The following CADM4 variants were observed in gnomAD, a reference collection of about 807,000 sequenced individuals.
CADM4 encodes the protein cell adhesion molecule 4, also known as TSLC1-like 2.
CADM4 carries 13 observed loss-of-function variants against 43.9 expected under a neutral mutation model. The ratio of observed to expected loss-of-function variants is 0.30; its 90% CI spans 0.19 to 0.47. The LOEUF (loss-of-function observed/expected upper bound fraction) is 0.47. Among genes scored for constraint, CADM4 ranks in the 20% least tolerant of loss-of-function variants. The probability of loss-of-function intolerance (pLI) is 1.00; values close to 1 mark genes in which losing one functional copy is unlikely to be tolerated. For synonymous variants in CADM4, 209 were observed against 220.9 expected (o/e 0.95, Z 0.48); for missense variants, 420 against 527.0 (o/e 0.80, Z 1.99).
At position 43,627,006 on chromosome 19, in the gene CADM4, G is replaced by A. The variant is rs932629960; in HGVS notation, c.365-88C>T. On this transcript the variant is annotated intron_variant, in intron 3 of 8. Coordinates refer to ENST00000222374, the MANE Select transcript of CADM4 (RefSeq NM_145296.2). This position sits in a 1 kb window ranked among gnomAD's most constrained non-coding sequence, Gnocchi z 4.0. ...GAGCTGCCTGTTCCCAGCGACCATA[G>A]GGAACCAGGGTCCCAGGTGGCAGGG... is the stretch of plus-strand genomic sequence containing the variant. The A allele has an allele frequency of 1.3e-6, 2 of 1,485,132 alleles. No individual in the cohort carries two copies. The highest frequency in any genetic ancestry group is 1.8e-6 in the Non-Finnish European group (2 of 1,114,174). 92.0% of individuals were successfully genotyped at this position (1,485,132 alleles called of 1,614,324 possible).
rs1973466226 is a variant in CADM4, at chr19:43,623,204, G to A, written c.*126C>T. 3 of 726,406 alleles carry A rather than the reference G, an allele frequency of 4.1e-6. No homozygotes were observed. Among genetic ancestry groups the A allele is most frequent in the African/African-American group, 1.7e-5 (1 of 57,786 alleles). The allele number at this position is 726,406 out of a possible 1,614,324, so 45.0% of individuals were successfully genotyped here. A position where few individuals can be genotyped will look rare whatever the true frequency, so the allele number is the denominator to read the frequency against. ...CCCCATCCCTGCCCAAGCGTCTGAG[G>A]TGTTAGTGGTGGGGGGAGAAGCCCA... On this transcript the variant is annotated 3_prime_UTR_variant, in exon 9 of 9. Transcript: ENST00000222374. This position sits in a 1 kb window ranked among gnomAD's most constrained non-coding sequence, Gnocchi z 4.4.
rs1434052593 is a variant in CADM4 at position 43,626,113 on chromosome 19, C to T, written c.664+11G>A. On this transcript the variant is annotated intron_variant, in intron 5 of 8. Transcript: ENST00000222374. The surrounding 1 kb of genome is among the most constrained non-coding windows in gnomAD (Gnocchi z 5.9). The stretch of plus-strand genomic sequence containing the variant: ...TGGGATCCCTTGGGTCCTGGCCCGC[C>T]GGTCACTTACACTGCACATCCAGCA... 2.5e-6 allele frequency: 4 copies of T among 1,613,238 alleles called. No individual in the cohort carries two copies. The highest frequency in any genetic ancestry group is 1.3e-5 in the African/African-American group (1 of 74,886).
At chr19:43,638,219 G>A (rs953132678) in intron 1 of CADM4, among the ~76,000 whole-genome samples, 1 of 152,178 alleles carries the variant, frequency 6.6e-6, no homozygotes, top group Non-Finnish European at 1.5e-5. Flanking sequence ...CCCTGGAGTG[G>A]GGAACATGTA....
chr19:43,633,074 A>T (rs1477107051), intron 1 of CADM4, among the ~76,000 whole-genome samples: 4 of 149,850 alleles, frequency 2.7e-5, no homozygotes, highest in Non-Finnish European at 1.5e-5. Context: ...TCTGTCTCAA[A>T]AAAAAAAAAA....
Position 43,626,399 on chromosome 19 carries a change from G to T in CADM4, c.500-111C>A. The T allele has an allele frequency of 7.5e-7, 1 of 1,333,830 alleles. No homozygotes were observed. Among genetic ancestry groups the T allele is most frequent in the Admixed American group, 2.1e-5 (1 of 48,070 alleles). 82.6% of individuals were successfully genotyped at this position (1,333,830 alleles called of 1,614,324 possible). The stretch of plus-strand genomic sequence containing the variant: ...TGCCAAGCTCCACCCCTTACCCACA[G>T]GCCCCGCCTCTTGTCCTCCAAGCTA... On this transcript the variant is annotated intron_variant, in intron 4 of 8. Coordinates refer to ENST00000222374, the MANE Select transcript of CADM4 (RefSeq NM_145296.2). The surrounding 1 kb of genome is among the most constrained non-coding windows in gnomAD (Gnocchi z 5.9).
At position 43,626,073 on chromosome 19, in the gene CADM4, G is replaced by A; in HGVS notation, c.664+51C>T. The A allele has an allele frequency of 1.2e-6, 2 of 1,611,950 alleles. No individual in the cohort carries two copies. The highest frequency in any genetic ancestry group is 1.7e-6 in the Non-Finnish European group (2 of 1,178,658). ...CAGGACAAGGGGGACCCTCGCGGGTGCGGGTGGCTGGCGTTGGGATCCCTT... is the reference window on the plus strand; with the variant it reads ...CAGGACAAGGGGGACCCTCGCGGGTACGGGTGGCTGGCGTTGGGATCCCTT... On this transcript the variant is annotated intron_variant, in intron 5 of 8. Coordinates refer to ENST00000222374, the MANE Select transcript of CADM4 (RefSeq NM_145296.2). The surrounding 1 kb of genome is among the most constrained non-coding windows in gnomAD (Gnocchi z 5.9).
At chr19:43,631,136 T>C (rs1012371902) in intron 1 of CADM4, among the ~76,000 whole-genome samples, 1 of 151,828 alleles carries the variant, frequency 6.6e-6, no homozygotes, top group African/African-American at 2.4e-5. Context: ...AGGTCAGGAG[T>C]TCGAGACCAG....
intron 1 of CADM4, among the ~76,000 whole-genome samples, chr19:43,636,354 C>A (rs564687399): frequency 1.3e-5 from 2 of 152,056 alleles, no homozygotes; most frequent in Non-Finnish European, 2.9e-5. Context: ...ATTCCTGCTC[C>A]GGGAAGGGTG....
In CADM4 at chr19:43,622,429, C is replaced by T. The variant is rs1373077369; in HGVS notation, c.*901G>A. ...TGCCAAACCCCCTCCCCATTCCCCTCCCCACCCCGTACAAAATGTGTGTGT... is the reference window on the plus strand; with the variant it reads ...TGCCAAACCCCCTCCCCATTCCCCTTCCCACCCCGTACAAAATGTGTGTGT... On this transcript the variant is annotated 3_prime_UTR_variant, in exon 9 of 9. Coordinates refer to ENST00000222374, the MANE Select transcript of CADM4 (RefSeq NM_145296.2). 6.6e-6 allele frequency: 1 copy of T among 152,164 alleles called. No homozygotes were observed. The highest frequency in any genetic ancestry group is 2.4e-5 in the African/African-American group (1 of 41,420). The allele number at this position is 152,164 out of a possible 1,614,324, so 9.4% of individuals were successfully genotyped here.
Position 43,639,836 on chromosome 19 carries a change from TGCACCGCCC to T in CADM4, c.-55_-47del, listed in dbSNP as rs1007818404. The T allele has an allele frequency of 7.4e-5, 72 of 974,856 alleles. No homozygotes were observed. In the African/African-American group the frequency reaches 1.2e-3, roughly 16 times the overall value. The allele number at this position is 974,856 out of a possible 1,614,324, so 60.4% of individuals were successfully genotyped here. On this transcript the variant is annotated 5_prime_UTR_variant, in exon 1 of 9. Coordinates refer to ENST00000222374, the MANE Select transcript of CADM4 (RefSeq NM_145296.2). Reference sequence around the variant, plus strand: ...CGCCGCTCGCTCCCGGCCCGGCACCTGCACCGCCCGCGCCGCCCGCCCCGCCCCCCGCGC... The same window carrying T: ...CGCCGCTCGCTCCCGGCCCGGCACCTGCGCCGCCCGCCCCGCCCCCCGCGC...
chr19:43,639,741 G>T lies in CADM4; in HGVS notation c.50C>A (p.Ala17Asp), dbSNP rs1248496401. 9.8e-7 allele frequency: 1 copy of T among 1,016,068 alleles called. No individual in the cohort carries two copies. The highest frequency in any genetic ancestry group is 1.2e-6 in the Non-Finnish European group (1 of 848,806). The allele number at this position is 1,016,068 out of a possible 1,614,324, so 62.9% of individuals were successfully genotyped here. ...FQWPLLLLWA[A>D]AAGPGAGQEV... ...CCCGACCCTACCTGGCCCCGCCGCGGCCGCCCACAGCAGCAGCAGCGGCCA... is the reference window on the plus strand; with the variant it reads ...CCCGACCCTACCTGGCCCCGCCGCGTCCGCCCACAGCAGCAGCAGCGGCCA... Residue 17 changes from alanine to aspartate, a missense_variant, in exon 1 of 9, where the codon GCC becomes GAC. By Grantham distance (126) the Ala-to-Asp change is moderately radical. Transcript: ENST00000222374.
In CADM4 at chr19:43,627,021, A is replaced by G. The variant is rs2146139843; in HGVS notation, c.365-103T>C. 2 of 1,480,080 alleles carry G rather than the reference A, an allele frequency of 1.4e-6. No homozygotes were observed. The highest frequency in any genetic ancestry group is 2.8e-5 in the African/African-American group (2 of 70,718). 91.7% of individuals were successfully genotyped at this position (1,480,080 alleles called of 1,614,324 possible). ...AGCGACCATAGGGAACCAGGGTCCC[A>G]GGTGGCAGGGGTCAAAGGGGAGAGG... On this transcript the variant is annotated intron_variant, in intron 3 of 8. Transcript: ENST00000222374. The surrounding 1 kb of genome is among the most constrained non-coding windows in gnomAD (Gnocchi z 4.0).
chr19:43,633,089 AAAG>A (rs1973650918), intron 1 of CADM4, among the ~76,000 whole-genome samples: 1 of 151,234 alleles, frequency 6.6e-6, no homozygotes, highest in African/African-American at 2.4e-5. Context: ...AAAAAAAAAA[AAAG>A]AGACAGGGTA....
intron 1 of CADM4, among the ~76,000 whole-genome samples, chr19:43,634,742 G>C (rs1465912073): frequency 1.3e-5 from 2 of 151,952 alleles, no homozygotes; most frequent in Non-Finnish European, 2.9e-5. Flanking sequence ...GAGGGTTTGG[G>C]AAAGAGTGGC....
At chr19:43,624,833 T>G in intron 7 of CADM4, 1 of 532,234 alleles carries the variant, frequency 1.9e-6, no homozygotes, top group Non-Finnish European at 3.3e-6. Context: ...ACAACAGCCT[T>G]GTTATATAGG....
rs1568540185 is a variant in CADM4 at position 43,625,578 on chromosome 19, A to AAT, written c.756-329_756-328insAT. 2.5e-4 allele frequency among the ~76,000 whole-genome samples: 37 copies of AAT among 149,910 alleles called. No individual in the cohort carries two copies. Among genetic ancestry groups the AAT allele is most frequent in the South Asian group, 8.5e-4 (4 of 4,690 alleles). On this transcript the variant is annotated intron_variant, in intron 6 of 8. Transcript: ENST00000222374. The surrounding 1 kb of genome is among the most constrained non-coding windows in gnomAD (Gnocchi z 4.5). ...GGGAGACCCCGTCACTACAATTAAA[A>AAT]AATAATAATAATAATAATAATAATT...
In CADM4 at chr19:43,627,209, G is replaced by A. The variant is rs1305113792; in HGVS notation, c.321C>T (p.Tyr107=). Residue 107 remains tyrosine, a synonymous_variant, in exon 3 of 9, where the codon TAC becomes TAT. Transcript: ENST00000222374. The surrounding 1 kb of genome is among the most constrained non-coding windows in gnomAD (Gnocchi z 4.0). ...CAATCTGGTGGTGGGTGTCTTCTGT[G>A]TAGAGCTGGCAGAAATAGCCCCCCT... ...EDEGGYFCQL[Y]TEDTHHQIAT... is the part of the protein sequence containing the mutation. 3.1e-6 allele frequency: 5 copies of A among 1,612,254 alleles called. No individual in the cohort carries two copies. Among genetic ancestry groups the A allele is most frequent in the African/African-American group, 1.3e-5 (1 of 74,896 alleles).
Position 43,625,984 on chromosome 19 carries a change from T to A in CADM4, c.682A>T (p.Ile228Phe). 6.2e-7 allele frequency: 1 copy of A among 1,614,038 alleles called. No individual in the cohort carries two copies. The highest frequency in any genetic ancestry group is 8.5e-7 in the Non-Finnish European group (1 of 1,179,992). ...CTCACCACAGCTTGGGAGGCATGAA[T>A]CCGGGCCGTGGGGGAGTCTGTTAGG... is the stretch of plus-strand genomic sequence containing the variant. ...LDVQYSPTAR[I>F]HASQAVVREG... Residue 228 changes from isoleucine to phenylalanine, a missense_variant, in exon 6 of 9, where the codon ATT becomes TTT. Transcript: ENST00000222374. The surrounding 1 kb of genome is among the most constrained non-coding windows in gnomAD (Gnocchi z 4.5).
At chr19:43,638,495 G>C (rs377543560) in intron 1 of CADM4, among the ~76,000 whole-genome samples, 3 of 152,228 alleles carry the variant, frequency 2.0e-5, no homozygotes, top group East Asian at 3.9e-4. Context: ...CCAATCCTCT[G>C]TTCCTTCCAA....
Sources: gnomAD v4.1 joint callset for allele counts (sites outside exome capture counted in the v4.1 genomes callset) on GRCh38, gnomAD v4.1.1 for gene constraint, Gnocchi (gnomAD v3.1) non-coding constraint, MANE v1.5 for transcripts, NCBI Gene and HGNC (gene_info 2026-07-23, HGNC 2026-07-21) for gene names.